The following DLG1 variants were observed in gnomAD, a reference collection of about 807,000 sequenced individuals.
DLG1 encodes the protein disks large homolog 1.
Under a neutral mutation model 123.4 loss-of-function variants are expected in DLG1, and 42 were observed. The observed-to-expected ratio is 0.34, with a 90% CI of 0.27 to 0.44. The LOEUF is 0.44. Ranked by LOEUF, DLG1 falls within the 20% of genes least tolerant of loss-of-function variation. DLG1 has a pLI of 1.00. For synonymous variants in DLG1, 317 were observed against 356.2 expected (o/e 0.89, Z 1.24); for missense variants, 942 against 1,082.6 (o/e 0.87, Z 1.82).
intron 13 of DLG1, among the ~76,000 whole-genome samples, chr3:197,105,477 T>C (rs1314561125): frequency 6.6e-6 from 1 of 152,230 alleles, no homozygotes; most frequent in Non-Finnish European, 1.5e-5. Context: ...TCCATTCTTT[T>C]GGTATAATAG....
At chr3:197,243,335 A>G (rs760665899) in intron 4 of DLG1, among the ~76,000 whole-genome samples, 12 of 152,204 alleles carry the variant, frequency 7.9e-5, no homozygotes, top group Non-Finnish European at 1.6e-4. Context: ...CTACTTATGT[A>G]ATAGAACAAA....
intron 3 of DLG1, among the ~76,000 whole-genome samples, chr3:197,290,106 A>G (rs1223649051): frequency 6.6e-6 from 1 of 152,172 alleles, no homozygotes; most frequent in Non-Finnish European, 1.5e-5. Context: ...AAGGGCCCCC[A>G]CTGGATCACT....
chr3:197,128,979 A>G (rs1180911798), intron 11 of DLG1, among the ~76,000 whole-genome samples: 6 of 152,204 alleles, frequency 3.9e-5, no homozygotes, highest in Non-Finnish European at 8.8e-5. Flanking sequence ...GTTATACAGA[A>G]CAGGCAGACA....
intron 11 of DLG1, among the ~76,000 whole-genome samples, chr3:197,121,823 C>CAAAAAAAAAAAA (rs71161995): frequency 3.9e-5 from 4 of 101,998 alleles, no homozygotes; most frequent in Non-Finnish European, 3.7e-5. Flanking sequence ...ACAATCACCA[C>CAAAAAAAAAAAA]AAAAAAAAAA....
At chr3:197,139,745 G>A (rs1429125002) in intron 8 of DLG1, among the ~76,000 whole-genome samples, 1 of 151,936 alleles carries the variant, frequency 6.6e-6, no homozygotes, top group Non-Finnish European at 1.5e-5. Context: ...CCCAGCCAGA[G>A]AGGAAATGGA....
At chr3:197,247,661 A>C (rs1752411757) in intron 4 of DLG1, among the ~76,000 whole-genome samples, 1 of 152,144 alleles carries the variant, frequency 6.6e-6, no homozygotes, top group African/African-American at 2.4e-5. Context: ...TGAAACAACA[A>C]TATTTTATCA....
chr3:197,290,501 G>A (rs1204725522), intron 3 of DLG1, among the ~76,000 whole-genome samples: 1 of 152,112 alleles, frequency 6.6e-6, no homozygotes, highest in Non-Finnish European at 1.5e-5. Context: ...TCAACAAAGA[G>A]CAGATGACTC....
At chr3:197,163,687 A>ATTTTTTTTTTTT (rs56865627) in intron 5 of DLG1, among the ~76,000 whole-genome samples, 58 of 102,042 alleles carry the variant, frequency 5.7e-4, no homozygotes, top group Non-Finnish European at 8.6e-4. Flanking sequence ...ATGCTCAGCT[A>ATTTTTTTTTTTT]TTTTTTTTTT....
chr3:197,120,219 T>G (rs944542346), intron 11 of DLG1, among the ~76,000 whole-genome samples: 2 of 145,462 alleles, frequency 1.4e-5, no homozygotes, highest in Non-Finnish European at 3.0e-5. Flanking sequence ...CGAGATCGCA[T>G]CACTGCACTC....
chr3:197,258,128 C>G (rs944163882), intron 4 of DLG1, among the ~76,000 whole-genome samples: 1 of 151,996 alleles, frequency 6.6e-6, no homozygotes, highest in Admixed American at 6.6e-5. Flanking sequence ...TTTTGTCCCA[C>G]AAAATATCTA....
chr3:197,124,737 T>C (rs1262058350), intron 11 of DLG1, among the ~76,000 whole-genome samples: 6 of 152,144 alleles, frequency 3.9e-5, no homozygotes, highest in Admixed American at 2.0e-4. Flanking sequence ...CCATTGTGCC[T>C]GGCTTTTTTC....
At chr3:197,238,339 C>A (rs1747091930) in intron 4 of DLG1, among the ~76,000 whole-genome samples, 1 of 152,110 alleles carries the variant, frequency 6.6e-6, no homozygotes, top group African/African-American at 2.4e-5. Context: ...TTAGACTTAC[C>A]TAACAGAGTT....
rs373646429 is a variant in DLG1 at position 197,196,759 on chromosome 3, AT to A, written c.319-2171del. Among the ~76,000 whole-genome samples the A allele has an allele frequency of 5.8e-4, 89 of 152,354 alleles. 1 individual carries two copies. The East Asian group carries it at 0.012, about 21-fold the overall frequency. ...TCTTCTAATAGGACAAAGTAAAAAC[AT>A]AGATAATTGAATGAGGAAAGGATGT... On this transcript the variant is annotated intron_variant, in intron 4 of 24. Coordinates refer to ENST00000667157, the MANE Select transcript of DLG1 (RefSeq NM_001366207.1).
intron 23 of DLG1, among the ~76,000 whole-genome samples, chr3:197,056,721 G>A (rs1304151252): frequency 6.6e-6 from 1 of 152,060 alleles, no homozygotes; most frequent in Non-Finnish European, 1.5e-5. Context: ...GTATCATACA[G>A]CTTGTTACAT....
intron 6 of DLG1, among the ~76,000 whole-genome samples, chr3:197,146,258 C>T (rs1028730128): frequency 6.6e-6 from 1 of 152,032 alleles, no homozygotes; most frequent in African/African-American, 2.4e-5. Flanking sequence ...ATGCAATTCC[C>T]ACCAAAATAC....
intron 14 of DLG1, among the ~76,000 whole-genome samples, chr3:197,093,218 G>T (rs1262285386): frequency 6.6e-6 from 1 of 151,862 alleles, no homozygotes; most frequent in Non-Finnish European, 1.5e-5. Flanking sequence ...GAGTGCAGTG[G>T]CGCGATCTTG....
intron 13 of DLG1, among the ~76,000 whole-genome samples, chr3:197,110,679 C>G (rs1287369251): frequency 6.6e-6 from 1 of 152,174 alleles, no homozygotes; most frequent in Non-Finnish European, 1.5e-5. Context: ...CTGTTAGTGA[C>G]TTTTCTTAAT....
intron 5 of DLG1, 132 bp from the exon 6 acceptor site, chr3:197,149,928 A>G (rs1793054961): frequency 6.4e-6 from 4 of 620,242 alleles, no homozygotes; most frequent in Non-Finnish European, 1.2e-5. Context: ...TATATGTTAA[A>G]TAATATATCC....
chr3:197,233,924 A>G (rs1744608031), intron 4 of DLG1, among the ~76,000 whole-genome samples: 2 of 152,224 alleles, frequency 1.3e-5, no homozygotes, highest in Non-Finnish European at 2.9e-5. Context: ...TCCATTATAC[A>G]CTGGAAGCGG....
Sources: gnomAD v4.1 joint callset for allele counts (sites outside exome capture counted in the v4.1 genomes callset) on GRCh38, gnomAD v4.1.1 for gene constraint, MANE v1.5 for transcripts, NCBI Gene and HGNC (gene_info 2026-07-23, HGNC 2026-07-21) for gene names.